Variants in SLCO3A1 observed in about 807,000 individuals in gnomAD.
SLCO3A1 encodes solute carrier organic anion transporter family member 3A1, also known as PGE1 transporter.
In SLCO3A1, 27 loss-of-function variants were observed where a neutral mutation model predicts 63.1. The observed-to-expected ratio is 0.43, with a 90% CI of 0.32 to 0.59. The LOEUF (loss-of-function observed/expected upper bound fraction) is 0.59, where lower values mean the gene tolerates loss of function less well. SLCO3A1 is among the 20% of genes least tolerant of loss of function. The pLI is 0.09. For synonymous variants in SLCO3A1, 473 were observed against 409.9 expected (o/e 1.15, Z -1.86); for missense variants, 773 against 945.8 (o/e 0.82, Z 2.40).
intron 2 of SLCO3A1, among the ~76,000 whole-genome samples, chr15:91,949,026 T>C (rs913525172): frequency 5.3e-5 from 8 of 152,308 alleles, no homozygotes; most frequent in East Asian, 1.9e-4. Context: ...CTCTGGCAGA[T>C]GTCATTGTTA....
At chr15:92,092,624 T>C (rs573274110) in intron 2 of SLCO3A1, among the ~76,000 whole-genome samples, 1 of 152,222 alleles carries the variant, frequency 6.6e-6, no homozygotes, top group East Asian at 1.9e-4. Flanking sequence ...TGGGTGCCGC[T>C]TCTGACTCGG....
chr15:91,969,775 C>T (rs773799252), intron 2 of SLCO3A1, among the ~76,000 whole-genome samples: 5 of 152,198 alleles, frequency 3.3e-5, no homozygotes, highest in Non-Finnish European at 7.3e-5. Context: ...AGAGAAGTCC[C>T]CATTTTTCAG....
At chr15:91,958,302 T>A (rs1322975515) in intron 2 of SLCO3A1, among the ~76,000 whole-genome samples, 1 of 152,202 alleles carries the variant, frequency 6.6e-6, no homozygotes, top group Non-Finnish European at 1.5e-5. Context: ...GGTGACCCTG[T>A]CGCCTGTGTT....
chr15:92,131,302 T>G (rs2151571371), intron 7 of SLCO3A1, among the ~76,000 whole-genome samples: 1 of 152,118 alleles, frequency 6.6e-6, no homozygotes, highest in East Asian at 1.9e-4. Flanking sequence ...AGACATTTAT[T>G]TGGCCTTTAC....
At chr15:92,000,682 C>T (rs1264476398) in intron 2 of SLCO3A1, among the ~76,000 whole-genome samples, 6 of 152,308 alleles carry the variant, frequency 3.9e-5, no homozygotes, top group South Asian at 2.1e-4. Context: ...TAAAAGGCTT[C>T]GTTGAAGCAA....
chr15:92,002,914 A>G (rs947709032), intron 2 of SLCO3A1, among the ~76,000 whole-genome samples: 2 of 152,318 alleles, frequency 1.3e-5, no homozygotes, highest in Middle Eastern at 3.4e-3. Flanking sequence ...TAATAGCTGT[A>G]TGATGCCGCC....
chr15:92,136,590 C>T (rs2048060042), intron 7 of SLCO3A1, among the ~76,000 whole-genome samples: 1 of 152,142 alleles, frequency 6.6e-6, no homozygotes, highest in African/African-American at 2.4e-5. Context: ...GAAGGTGGAA[C>T]AGAAATACAG....
chr15:92,054,722 T>G (rs970356748), intron 2 of SLCO3A1, among the ~76,000 whole-genome samples: 19 of 152,054 alleles, frequency 1.2e-4, no homozygotes, highest in African/African-American at 4.6e-4. Flanking sequence ...TGTTCCTGCA[T>G]TAGTTTGCTA....
downstream of SLCO3A1, among the ~76,000 whole-genome samples, chr15:92,168,098 G>A (rs2048502986): frequency 6.6e-6 from 1 of 152,206 alleles, no homozygotes; most frequent in Non-Finnish European, 1.5e-5. Flanking sequence ...CCATTTCAAT[G>A]AGCTGGACAG....
intron 2 of SLCO3A1, among the ~76,000 whole-genome samples, chr15:91,986,068 G>A (rs909271232): frequency 3.9e-5 from 6 of 152,194 alleles, no homozygotes; most frequent in South Asian, 2.1e-4. Flanking sequence ...CTTGAGGAGC[G>A]TGACAAGGTG....
intron 2 of SLCO3A1, among the ~76,000 whole-genome samples, chr15:91,976,533 G>A (rs900657117): frequency 1.3e-5 from 2 of 152,122 alleles, no homozygotes; most frequent in Non-Finnish European, 2.9e-5. Flanking sequence ...ATTGGGCTTC[G>A]AGACTTTTTC....
intron 2 of SLCO3A1, among the ~76,000 whole-genome samples, chr15:92,058,296 G>A (rs549469796): frequency 6.6e-6 from 1 of 152,216 alleles, no homozygotes; most frequent in South Asian, 2.1e-4. Context: ...TGCTATTTAA[G>A]GGAAAGAGGC....
chr15:92,147,034 C>G lies in SLCO3A1; in HGVS notation c.1563C>G (p.Thr521=), dbSNP rs187980639. The G allele has an allele frequency of 1.2e-5, 20 of 1,614,172 alleles. 1 individual carries two copies. The African/African-American group carries it at 1.9e-4, about 15-fold the overall frequency. ...CLTTVPAENA[T]VVPGKCPSPG... The stretch of plus-strand genomic sequence containing the variant: ...CCACCGTCCCTGCTGAGAACGCAAC[C>G]GTGGTTCCTGGAAAATGCCCCAGTC... Residue 521 remains threonine, a synonymous_variant, in exon 8 of 10, where the codon ACC becomes ACG. Coordinates refer to ENST00000318445, the MANE Select transcript of SLCO3A1 (RefSeq NM_013272.4).
At chr15:91,930,653 A>T (rs1241409418) in intron 2 of SLCO3A1, among the ~76,000 whole-genome samples, 1 of 152,250 alleles carries the variant, frequency 6.6e-6, no homozygotes, top group Non-Finnish European at 1.5e-5. Context: ...CAGTCCCCGT[A>T]CAAGGTGCTG....
chr15:91,976,172 G>T (rs1901101595), intron 2 of SLCO3A1, among the ~76,000 whole-genome samples: 1 of 152,160 alleles, frequency 6.6e-6, no homozygotes, highest in Non-Finnish European at 1.5e-5. Context: ...ATTGTGATGA[G>T]GGTCCCAAAC....
chr15:91,929,567 A>G (rs1186485836), intron 2 of SLCO3A1, among the ~76,000 whole-genome samples: 1 of 152,206 alleles, frequency 6.6e-6, no homozygotes, highest in Non-Finnish European at 1.5e-5. Flanking sequence ...ATATTCATAC[A>G]GGTCACCATC....
rs546344436 is a variant in SLCO3A1 at position 92,050,510 on chromosome 15, G to A, written c.647-44371G>A. On this transcript the variant is annotated intron_variant, in intron 2 of 9. Coordinates refer to ENST00000318445, the MANE Select transcript of SLCO3A1 (RefSeq NM_013272.4). ...TCTGGGAATGCACACTGGTATGGTC[G>A]GAAGTGGATACAAGCCCTTGCCCTC... Among the ~76,000 whole-genome samples the A allele has an allele frequency of 4.4e-4, 67 of 152,290 alleles. 1 individual carries two copies. The highest frequency in any genetic ancestry group is 1.5e-3 in the African/African-American group (62 of 41,558).
At position 92,148,189 on chromosome 15, in the gene SLCO3A1, C is replaced by CT. The variant is rs560922788; in HGVS notation, c.1688+1031dup. Among the ~76,000 whole-genome samples the CT allele has an allele frequency of 7.9e-5, 12 of 152,328 alleles. No individual in the cohort carries two copies. The East Asian group carries it at 2.3e-3, about 29-fold the overall frequency. On this transcript the variant is annotated intron_variant, in intron 8 of 9. Coordinates refer to ENST00000318445, the MANE Select transcript of SLCO3A1 (RefSeq NM_013272.4). ...TACCACCGCACTCCAGCCTGGGTGA[C>CT]TGACAGAGCAAGACTCTGTCTCAGA...
Position 92,162,883 on chromosome 15 carries a change from C to G in SLCO3A1, c.1881C>G (p.Val627=), listed in dbSNP as rs766029942. Residue 627 remains valine (V), a synonymous_variant, in exon 10 of 10, where the codon GTC becomes GTG. Transcript: ENST00000318445. Reference sequence around the variant, plus strand: ...ATGTGGTCTACCGATACCTGTATGTCAGCATCGCCATCGCGCTCAAATCCT... The same window carrying G: ...ATGTGGTCTACCGATACCTGTATGTGAGCATCGCCATCGCGCTCAAATCCT... ...YDNVVYRYLY[V]SIAIALKSFA... 6.2e-7 allele frequency: 1 copy of G among 1,614,232 alleles called. No individual in the cohort carries two copies. The highest frequency in any genetic ancestry group is 1.1e-5 in the South Asian group (1 of 91,082).
Sources: allele counts gnomAD v4.1 joint callset (sites outside exome capture counted in the v4.1 genomes callset), GRCh38; gene constraint gnomAD v4.1.1; transcripts MANE v1.5; gene names NCBI Gene and HGNC (gene_info 2026-07-23, HGNC 2026-07-21).